The following WDFY3 variants were observed in gnomAD, a reference collection of about 807,000 sequenced individuals.
WDFY3 encodes the protein WD repeat and FYVE domain-containing protein 3.
In WDFY3, 66 loss-of-function variants were observed where a neutral mutation model predicts 409.6. The ratio of observed to expected loss-of-function variants is 0.16; its 90% CI spans 0.13 to 0.20. The LOEUF (loss-of-function observed/expected upper bound fraction) is 0.20, where lower values mean the gene tolerates loss of function less well. WDFY3 is among the 10% of genes least tolerant of loss of function. The pLI is 1.00. For missense variants in WDFY3, 3,031 were observed against 4,298.1 expected, an observed-to-expected ratio of 0.71 and a Z score of 8.24; for synonymous variants, 1,521 against 1,537.1, an observed-to-expected ratio of 0.99 and a Z score of 0.25.
rs531906397 is a variant in WDFY3, at chr4:84,775,868, A to C, written c.4519-730T>G. Among the ~76,000 whole-genome samples, 8 of 152,096 alleles carry C rather than the reference A, an allele frequency of 5.3e-5. No homozygotes were observed. The East Asian group carries it at 1.6e-3, about 29-fold the overall frequency. On this transcript the variant is annotated intron_variant, in intron 27 of 67. Coordinates refer to ENST00000295888, the MANE Select transcript of WDFY3 (RefSeq NM_014991.6). ...GTCAACTAGAACTCTATTCCATGCA[A>C]AAATGTCCTTCAAAAAGGAAGAAAG...
At chr4:84,936,763 A>T (rs894953885) in intron 1 of WDFY3, among the ~76,000 whole-genome samples, 1 of 152,100 alleles carries the variant, frequency 6.6e-6, no homozygotes, top group Non-Finnish European at 1.5e-5. Flanking sequence ...TTCAAAAGCC[A>T]CAGGCAATCA....
At chr4:84,754,342 T>C (rs1008099172) in intron 34 of WDFY3, among the ~76,000 whole-genome samples, 2 of 152,208 alleles carry the variant, frequency 1.3e-5, no homozygotes, top group Admixed American at 6.5e-5. Context: ...TACTGTATAT[T>C]TGAACAATGT....
intron 5 of WDFY3, among the ~76,000 whole-genome samples, chr4:84,847,065 A>G (rs1758166630): frequency 6.6e-6 from 1 of 152,104 alleles, no homozygotes; most frequent in Admixed American, 6.5e-5. Context: ...GTACGCATTG[A>G]GGGGCACAAG....
At chr4:84,695,886 A>G in intron 58 of WDFY3, 84 bp downstream of exon 58, 5 of 1,277,136 alleles carry the variant, frequency 3.9e-6, no homozygotes, top group South Asian at 1.4e-5. Context: ...ATCTAAACTT[A>G]ATTATTTTGT....
At chr4:84,773,704 T>C (rs905552173) in intron 29 of WDFY3, among the ~76,000 whole-genome samples, 4 of 152,222 alleles carry the variant, frequency 2.6e-5, no homozygotes, top group African/African-American at 9.6e-5. Context: ...GCTAAAGTTT[T>C]AGATCTGCCA....
At chr4:84,702,575 G>A in intron 55 of WDFY3, 69 bp from the exon 56 acceptor site, 2 of 1,378,118 alleles carry the variant, frequency 1.5e-6, no homozygotes, top group Non-Finnish European at 9.6e-7. Context: ...TCAAGTTCAA[G>A]AGCTTGAAAA....
intron 3 of WDFY3, among the ~76,000 whole-genome samples, chr4:84,861,080 G>A (rs1050574037): frequency 7.2e-5 from 11 of 152,072 alleles, no homozygotes; most frequent in Non-Finnish European, 1.0e-4. Context: ...GTATGGTAGT[G>A]TGCGCGTATA....
At chr4:84,889,924 C>A (rs563144432) in intron 3 of WDFY3, among the ~76,000 whole-genome samples, 2 of 151,972 alleles carry the variant, frequency 1.3e-5, no homozygotes. Context: ...TTCTTATAGC[C>A]AGTATATGAT....
chr4:84,728,565 T>C (rs911601781), intron 44 of WDFY3, among the ~76,000 whole-genome samples: 2 of 152,080 alleles, frequency 1.3e-5, no homozygotes, highest in Admixed American at 1.3e-4. Flanking sequence ...GACTGTTGGA[T>C]AGATATGCAA....
At chr4:84,903,926 C>T (rs1766667511) in intron 2 of WDFY3, among the ~76,000 whole-genome samples, 1 of 152,100 alleles carries the variant, frequency 6.6e-6, no homozygotes, top group African/African-American at 2.4e-5. Context: ...CGCCTGCCTG[C>T]CCGCCTGCCT....
intron 47 of WDFY3, 42 bp downstream of exon 47, chr4:84,721,367 T>C: frequency 6.2e-7 from 1 of 1,605,780 alleles, no homozygotes; most frequent in South Asian, 1.1e-5. Flanking sequence ...AATAATATGT[T>C]ACTGAAGTAT....
intron 18 of WDFY3, among the ~76,000 whole-genome samples, chr4:84,796,977 G>C (rs1257338712): frequency 2.0e-5 from 3 of 152,020 alleles, no homozygotes; most frequent in African/African-American, 7.2e-5. Flanking sequence ...TTGGAAACTA[G>C]AGTATAAATA....
chr4:84,805,807 A>G (rs928423561), intron 15 of WDFY3, among the ~76,000 whole-genome samples: 1 of 152,170 alleles, frequency 6.6e-6, no homozygotes, highest in Non-Finnish European at 1.5e-5. Flanking sequence ...CATTGCAGTT[A>G]TATTCTGTAG....
Position 84,795,116 on chromosome 4 carries a change from G to A in WDFY3, c.3168-137C>T, listed in dbSNP as rs148282270. The A allele has an allele frequency of 1.3e-3, 678 of 504,324 alleles. 1 individual carries two copies. Among genetic ancestry groups the A allele is most frequent in the Middle Eastern group, 9.6e-3 (17 of 1,766 alleles). 31.2% of individuals were successfully genotyped at this position (504,324 alleles called of 1,614,324 possible). A position where few individuals can be genotyped will look rare whatever the true frequency, so the allele number is the denominator to read the frequency against. On this transcript the variant is annotated intron_variant, in intron 19 of 67. Coordinates refer to ENST00000295888, the MANE Select transcript of WDFY3 (RefSeq NM_014991.6). ...ATCATGGAATAAATCTGGATGCCTC[G>A]CAAAGCCCTTCCCTTCTTTTAATTA...
chr4:84,822,530 C>T (rs1437760814), intron 10 of WDFY3, among the ~76,000 whole-genome samples: 2 of 151,950 alleles, frequency 1.3e-5, no homozygotes, highest in African/African-American at 2.4e-5. Context: ...TCCATTTCTA[C>T]AAGAGATTTA....
intron 44 of WDFY3, among the ~76,000 whole-genome samples, chr4:84,731,705 T>C (rs1736637051): frequency 6.6e-6 from 1 of 152,250 alleles, no homozygotes; most frequent in East Asian, 1.9e-4. Flanking sequence ...GAACTCTTAA[T>C]AGGGTACTTT....
intron 21 of WDFY3, among the ~76,000 whole-genome samples, chr4:84,793,338 T>G (rs1748834577): frequency 1.3e-5 from 2 of 152,140 alleles, no homozygotes; most frequent in Non-Finnish European, 2.9e-5. Flanking sequence ...AATATTAGAA[T>G]CTGAGATGTT....
intron 5 of WDFY3, among the ~76,000 whole-genome samples, chr4:84,843,306 A>G (rs1253563844): frequency 6.6e-6 from 1 of 152,234 alleles, no homozygotes; most frequent in Non-Finnish European, 1.5e-5. Flanking sequence ...TTTGTAAAGA[A>G]TAGCATAACT....
intron 32 of WDFY3, among the ~76,000 whole-genome samples, chr4:84,761,394 T>C (rs1742565722): frequency 6.6e-6 from 1 of 152,140 alleles, no homozygotes; most frequent in South Asian, 2.1e-4. Flanking sequence ...CTGTCTAATG[T>C]TGACAGTGGG....
Sources: gnomAD v4.1 joint callset for allele counts (sites outside exome capture counted in the v4.1 genomes callset) on GRCh38, gnomAD v4.1.1 for gene constraint, MANE v1.5 for transcripts, NCBI Gene and HGNC (gene_info 2026-07-23, HGNC 2026-07-21) for gene names.